Variants in XPNPEP3 observed in about 807,000 individuals in gnomAD.
XPNPEP3 encodes the protein xaa-Pro aminopeptidase 3.
XPNPEP3 carries 41 observed loss-of-function variants against 60.0 expected under a neutral mutation model. The observed-to-expected ratio is 0.68, with a 90% CI of 0.53 to 0.89. XPNPEP3 has a LOEUF of 0.89. XPNPEP3 is among the 40% of genes least tolerant of loss of function. The pLI, the probability that XPNPEP3 is intolerant of heterozygous loss-of-function variation, is 0.00. For synonymous variants in XPNPEP3, 212 were observed against 223.2 expected (o/e 0.95, Z 0.45); for missense variants, 598 against 638.9 (o/e 0.94, Z 0.69).
In XPNPEP3 at chr22:40,922,529, TG is replaced by T. The variant is rs1289002826; in HGVS notation, c.1236+17del. 1 of 1,613,416 alleles carries T rather than the reference TG, an allele frequency of 6.2e-7. No homozygotes were observed. Among genetic ancestry groups the T allele is most frequent in the Non-Finnish European group, 8.5e-7 (1 of 1,179,796 alleles). On this transcript the variant is annotated intron_variant, in intron 8 of 9. Transcript: ENST00000357137. Reference sequence around the variant, plus strand: ...TGCCTTCAAGGTACTTCACTTCTCTTGACCCCAGTTCTCAAGAACACCTAGC... The same window carrying T: ...TGCCTTCAAGGTACTTCACTTCTCTTACCCCAGTTCTCAAGAACACCTAGC...
At position 40,861,897 on chromosome 22, in the gene XPNPEP3, T is replaced by G. The variant is rs754694030; in HGVS notation, c.64+4652T>G. ...TTCTTCTTTATTTTCTGGATTTTTA[T>G]CAGGGTGCCATTTAAGTGCCACTTT... On this transcript the variant is annotated intron_variant, in intron 1 of 9. Transcript: ENST00000357137. The G allele has an allele frequency of 3.2e-5, 52 of 1,614,012 alleles. No homozygotes were observed. In the South Asian group the frequency reaches 5.4e-4, roughly 17 times the overall value.
Position 40,881,762 on chromosome 22 carries a change from A to G in XPNPEP3, c.182-8A>G, listed in dbSNP as rs778312549. 2 of 1,613,882 alleles carry G rather than the reference A, an allele frequency of 1.2e-6. No individual in the cohort carries two copies. The highest frequency in any genetic ancestry group is 3.3e-5 in the Admixed American group (2 of 59,986). On this transcript the variant is annotated splice_region_variant and splice_polypyrimidine_tract_variant and intron_variant, in intron 2 of 9. Coordinates refer to ENST00000357137, the MANE Select transcript of XPNPEP3 (RefSeq NM_022098.4). ...ATGTAAAGCATCCCTTTTATTTGTC[A>G]TTTCTAGGGGAGGTAACTCCAGGAC... is the stretch of plus-strand genomic sequence containing the variant.
At chr22:40,871,484 A>G (rs1211881846) in intron 2 of XPNPEP3, among the ~76,000 whole-genome samples, 1 of 152,234 alleles carries the variant, frequency 6.6e-6, no homozygotes, top group Non-Finnish European at 1.5e-5. Flanking sequence ...TATGTACTTA[A>G]TACTTTTGGG....
chr22:40,922,920 T>C (rs1453095357), intron 8 of XPNPEP3, among the ~76,000 whole-genome samples: 3 of 152,224 alleles, frequency 2.0e-5, no homozygotes, highest in Non-Finnish European at 4.4e-5. Flanking sequence ...CAGCACATGC[T>C]GATTCATTAC....
intron 1 of XPNPEP3, chr22:40,859,634 ATAAC>A (rs2057929320): frequency 6.6e-6 from 1 of 152,246 alleles, no homozygotes; most frequent in Non-Finnish European, 1.5e-5. Flanking sequence ...TATAGAATAA[ATAAC>A]CTTTCCTTCT....
At chr22:40,862,579 T>G in intron 1 of XPNPEP3, 1 of 985,474 alleles carries the variant, frequency 1.0e-6, no homozygotes. Flanking sequence ...GAGGAAGTAC[T>G]GGATGCTAAA....
chr22:40,898,221 A>C (rs377453643), intron 4 of XPNPEP3, among the ~76,000 whole-genome samples: 1 of 58,604 alleles, frequency 1.7e-5, no homozygotes, highest in African/African-American at 5.8e-5. Context: ...TAGGTCTTTG[A>C]CCCATTTTTT....
chr22:40,892,772 C>G (rs938828472), intron 4 of XPNPEP3, among the ~76,000 whole-genome samples: 16 of 152,110 alleles, frequency 1.1e-4, no homozygotes, highest in African/African-American at 4.8e-5. Context: ...AATGTACTTT[C>G]CAGAATCATC....
At chr22:40,918,733 T>C (rs2058205507) in intron 7 of XPNPEP3, among the ~76,000 whole-genome samples, 1 of 151,630 alleles carries the variant, frequency 6.6e-6, no homozygotes, top group Admixed American at 6.6e-5. Context: ...TTGTCATTAT[T>C]CTGGGACCTA....
chr22:40,926,568 ATGTATGTAAT>A lies in XPNPEP3; in HGVS notation c.*137_*146del, dbSNP rs2058235504. The A allele has an allele frequency of 3.4e-6, 4 of 1,173,412 alleles. No individual in the cohort carries two copies. Among genetic ancestry groups the A allele is most frequent in the Non-Finnish European group, 2.5e-6 (2 of 790,884 alleles). The allele number at this position is 1,173,412 out of a possible 1,614,324, so 72.7% of individuals were successfully genotyped here. ...ATTTGGGAGCATAGCAGCTGTGTGA[ATGTATGTAAT>A]TGTGTGTGGGGGGTTTTTTGTTTTA... On this transcript the variant is annotated 3_prime_UTR_variant, in exon 10 of 10. Transcript: ENST00000357137.
intron 7 of XPNPEP3, 129 bp downstream of exon 7, chr22:40,914,453 CCTT>C (rs1195689034): frequency 2.3e-5 from 18 of 779,116 alleles, no homozygotes; most frequent in South Asian, 7.2e-5. Flanking sequence ...TTGCAAAGCT[CCTT>C]ATTATTTTCT....
chr22:40,919,373 G>C (rs5758130), intron 7 of XPNPEP3, among the ~76,000 whole-genome samples: 1 of 152,146 alleles, frequency 6.6e-6, no homozygotes, highest in Admixed American at 6.5e-5. Flanking sequence ...TAACCAACAT[G>C]GTGAAACCCC....
chr22:40,919,326 G>A lies in XPNPEP3; in HGVS notation c.1056-3007G>A, dbSNP rs368121618. Among the ~76,000 whole-genome samples the A allele has an allele frequency of 9.9e-5, 15 of 152,204 alleles. No homozygotes were observed. In the East Asian group the frequency reaches 1.9e-3, roughly 20 times the overall value. On this transcript the variant is annotated intron_variant, in intron 7 of 9. Transcript: ENST00000357137. ...TCCCAGCACTTTGGGAGGCCAAGGCGAGTGGATCACTTGAGGTCATGAGTT... is the reference window on the plus strand; with the variant it reads ...TCCCAGCACTTTGGGAGGCCAAGGCAAGTGGATCACTTGAGGTCATGAGTT...
At chr22:40,914,184 G>T in intron 6 of XPNPEP3, 55 bp from the exon 7 acceptor site, 37 of 1,384,614 alleles carry the variant, frequency 2.7e-5, no homozygotes, top group African/African-American at 4.3e-5. Context: ...TGGATTACTA[G>T]AAACAACTTA....
chr22:40,861,265 A>G, intron 1 of XPNPEP3: 1 of 1,614,190 alleles, frequency 6.2e-7, no homozygotes, highest in Non-Finnish European at 8.5e-7. Flanking sequence ...TAGTTGTTGA[A>G]TGACTGTGTT....
At position 40,914,199 on chromosome 22, in the gene XPNPEP3, C is replaced by G. The variant is rs114430599; in HGVS notation, c.970-40C>G. 8.1e-3 allele frequency: 12,010 copies of G among 1,477,888 alleles called. 712 individuals carry two copies. The African/African-American group carries it at 0.14, about 17-fold the overall frequency. The allele number at this position is 1,477,888 out of a possible 1,614,324, so 91.5% of individuals were successfully genotyped here. ...TGGATTACTAGAAACAACTTATAAT[C>G]ATGAGCTTATCCACTTTAACCTGTC... On this transcript the variant is annotated intron_variant, in intron 6 of 9. Coordinates refer to ENST00000357137, the MANE Select transcript of XPNPEP3 (RefSeq NM_022098.4).
At position 40,930,996 on chromosome 22, in the gene XPNPEP3, G is replaced by A. The variant is rs9611438; in HGVS notation, c.*4561G>A. 4,961 of 152,156 alleles carry A rather than the reference G, an allele frequency of 0.033. 118 individuals are homozygous for A. Among genetic ancestry groups the A allele is most frequent in the Non-Finnish European group, 0.054 (3,694 of 68,136 alleles). The allele number at this position is 152,156 out of a possible 1,614,324, so 9.4% of individuals were successfully genotyped here. A position where few individuals can be genotyped will look rare whatever the true frequency, so the allele number is the denominator to read the frequency against. On this transcript the variant is annotated 3_prime_UTR_variant, in exon 10 of 10. Transcript: ENST00000357137. ...CCCAAGTAGCTGGGATTACAGGCAC[G>A]CACCACCATGCCCAGCTAATTTTTG...
At chr22:40,914,531 ATTT>A (rs560908648) in intron 7 of XPNPEP3, among the ~76,000 whole-genome samples, 293 of 67,576 alleles carry the variant, frequency 4.3e-3, no homozygotes, top group African/African-American at 0.016. Context: ...ACTAACAAAG[ATTT>A]TTTTTTTTTT....
intron 4 of XPNPEP3, among the ~76,000 whole-genome samples, chr22:40,893,427 C>T (rs934022815): frequency 1.9e-4 from 28 of 146,960 alleles, no homozygotes; most frequent in Non-Finnish European, 3.7e-4. Context: ...AATCTTTGAA[C>T]CCAGGAGGTG....
Sources: gnomAD v4.1 joint callset for allele counts (sites outside exome capture counted in the v4.1 genomes callset) on GRCh38, gnomAD v4.1.1 for gene constraint, MANE v1.5 for transcripts, NCBI Gene and HGNC (gene_info 2026-07-23, HGNC 2026-07-21) for gene names.